Variants in SATB2 observed in about 807,000 individuals in gnomAD.
The protein encoded by SATB2 is DNA-binding protein SATB2.
A neutral mutation model predicts 73.4 loss-of-function variants in SATB2; 1 was observed. The ratio of observed to expected loss-of-function variants is 0.01; its 90% CI spans 0.00 to 0.06. The LOEUF (loss-of-function observed/expected upper bound fraction) is 0.06. Ranked by LOEUF, SATB2 falls within the 10% of genes least tolerant of loss-of-function variation. The probability of loss-of-function intolerance (pLI) is 1.00; values close to 1 mark genes in which losing one functional copy is unlikely to be tolerated. For missense variants in SATB2, 459 were observed against 945.8 expected (o/e 0.49, Z 6.75); for synonymous variants, 397 against 367.0 (o/e 1.08, Z -0.93).
At chr2:199,333,788 A>T (rs1230203074) in intron 7 of SATB2, among the ~76,000 whole-genome samples, 2 of 152,126 alleles carry the variant, frequency 1.3e-5, no homozygotes, top group Admixed American at 1.3e-4. Context: ...TATGCAAAAC[A>T]TCTTCCTTCC....
chr2:199,422,520 G>A (rs1055906989), intron 3 of SATB2, among the ~76,000 whole-genome samples: 1 of 152,074 alleles, frequency 6.6e-6, no homozygotes, highest in African/African-American at 2.4e-5. Flanking sequence ...TCTTCATTAA[G>A]TTATCAATTT....
At chr2:199,356,411 C>A (rs1029231759) in intron 6 of SATB2, among the ~76,000 whole-genome samples, 1 of 151,992 alleles carries the variant, frequency 6.6e-6, no homozygotes, top group South Asian at 2.1e-4. Context: ...GGTACCCAAA[C>A]ATTAGAGCAC....
upstream of SATB2, among the ~76,000 whole-genome samples, chr2:199,468,504 G>A (rs1692635876): frequency 6.6e-6 from 1 of 152,178 alleles, no homozygotes; most frequent in South Asian, 2.1e-4. Flanking sequence ...TCCACCTGTG[G>A]GGAATCTTGC....
intron 5 of SATB2, among the ~76,000 whole-genome samples, chr2:199,376,684 T>C (rs1689615031): frequency 6.6e-6 from 1 of 152,186 alleles, no homozygotes; most frequent in African/African-American, 2.4e-5. Context: ...CCTCTGTTAT[T>C]GTGGACAGTC....
At chr2:199,356,225 C>CAAAA (rs200509001) in intron 6 of SATB2, among the ~76,000 whole-genome samples, 658 of 99,878 alleles carry the variant, frequency 6.6e-3, no homozygotes, top group East Asian at 0.016. Context: ...GAACATAAGC[C>CAAAA]AAAAAAAAAA....
Position 199,296,255 on chromosome 2 carries a change from TTTG to T in SATB2, c.1740+12502_1740+12504del, listed in dbSNP as rs1164046572. 1.3e-4 allele frequency among the ~76,000 whole-genome samples: 20 copies of T among 152,306 alleles called. No individual in the cohort carries two copies. The South Asian group carries it at 3.7e-3, about 28-fold the overall frequency. On this transcript the variant is annotated intron_variant, in intron 10 of 10. Transcript: ENST00000417098. The stretch of plus-strand genomic sequence containing the variant: ...CAGGAGCAATGTGTTTTTGTTTTGT[TTTG>T]TTGTTGTTGTTTATATTTTGCACCC...
intron 10 of SATB2, among the ~76,000 whole-genome samples, chr2:199,301,741 G>A (rs548630057): frequency 6.6e-6 from 1 of 152,258 alleles, no homozygotes; most frequent in East Asian, 1.9e-4. Context: ...AGGTGTGGAG[G>A]AGGCAGAATT....
chr2:199,276,134 G>A lies in SATB2; in HGVS notation c.1741-3462C>T, dbSNP rs150793980. ...GTAGTACTTTATTCTAGTGGTATACGTACTCTGAGTGAAAGGAGAGCAGTA... is the reference window on the plus strand; with the variant it reads ...GTAGTACTTTATTCTAGTGGTATACATACTCTGAGTGAAAGGAGAGCAGTA... On this transcript the variant is annotated intron_variant, in intron 10 of 10. Coordinates refer to ENST00000417098, the MANE Select transcript of SATB2 (RefSeq NM_001172509.2). Among the ~76,000 whole-genome samples, 533 of 152,176 alleles carry A rather than the reference G, an allele frequency of 3.5e-3. 3 individuals are homozygous for A. The highest frequency in any genetic ancestry group is 0.012 in the African/African-American group (507 of 41,516).
intron 2 of SATB2, among the ~76,000 whole-genome samples, chr2:199,438,119 AATT>A (rs1477564379): frequency 6.6e-6 from 1 of 152,192 alleles, no homozygotes; most frequent in Non-Finnish European, 1.5e-5. Context: ...AATAAAATAA[AATT>A]ATTTTTTAAA....
At chr2:199,457,955 A>G, upstream of SATB2, 1 of 152,922 alleles carries the variant, frequency 6.5e-6, no homozygotes, top group Non-Finnish European at 1.5e-5. This position sits in a 1 kb window ranked among gnomAD's most constrained non-coding sequence, Gnocchi z 4.8. Flanking sequence ...CAAGCCGCAG[A>G]GAGAGACACA....
intron 3 of SATB2, among the ~76,000 whole-genome samples, chr2:199,391,662 T>C (rs1483989972): frequency 1.3e-5 from 2 of 152,122 alleles, no homozygotes; most frequent in African/African-American, 4.8e-5. Context: ...TCCGCTACCA[T>C]TTTAATGGCC....
chr2:199,341,476 A>G (rs781452981), intron 7 of SATB2, among the ~76,000 whole-genome samples: 1 of 152,186 alleles, frequency 6.6e-6, no homozygotes, highest in Non-Finnish European at 1.5e-5. Flanking sequence ...CAAGTTTGGT[A>G]AATCTCATAA....
intron 2 of SATB2, among the ~76,000 whole-genome samples, chr2:199,433,869 CTT>C (rs943565600): frequency 6.6e-6 from 1 of 151,964 alleles, no homozygotes; most frequent in Non-Finnish European, 1.5e-5. Context: ...CAGATCTGCT[CTT>C]GTCTAAAAAT....
intron 6 of SATB2, among the ~76,000 whole-genome samples, chr2:199,367,427 A>G (rs762802135): frequency 3.3e-5 from 5 of 152,126 alleles, no homozygotes; most frequent in Non-Finnish European, 4.4e-5. Flanking sequence ...AAACACTCTC[A>G]TTCCTTTGTG....
chr2:199,454,709 G>A (rs1268034377), intron 2 of SATB2, among the ~76,000 whole-genome samples: 2 of 151,976 alleles, frequency 1.3e-5, no homozygotes, highest in African/African-American at 2.4e-5. Context: ...TGAAGAAATA[G>A]AAATAGCAAA....
intron 6 of SATB2, among the ~76,000 whole-genome samples, chr2:199,358,638 G>C (rs1689054245): frequency 6.6e-6 from 1 of 152,166 alleles, no homozygotes; most frequent in Admixed American, 6.5e-5. Flanking sequence ...CAGCCCATAA[G>C]CAAAGCCTAC....
chr2:199,352,583 GTAGTAACACCA>G (rs1230121250), intron 6 of SATB2, among the ~76,000 whole-genome samples: 1 of 152,084 alleles, frequency 6.6e-6, no homozygotes, highest in Non-Finnish European at 1.5e-5. Context: ...TATTACATCC[GTAGTAACACCA>G]TGAAGTACTA....
intron 7 of SATB2, among the ~76,000 whole-genome samples, chr2:199,340,448 C>T (rs974913895): frequency 6.6e-6 from 1 of 152,096 alleles, no homozygotes; most frequent in Admixed American, 6.6e-5. Context: ...AAATTAGAGA[C>T]TTACTGTTAC....
At chr2:199,369,710 A>C (rs1345479194) in intron 5 of SATB2, among the ~76,000 whole-genome samples, 4 of 152,176 alleles carry the variant, frequency 2.6e-5, no homozygotes, top group Admixed American at 2.0e-4. Context: ...GAAATCTTAG[A>C]ACTTCTAACG....
Sources: gnomAD v4.1 joint callset for allele counts (sites outside exome capture counted in the v4.1 genomes callset) on GRCh38, gnomAD v4.1.1 for gene constraint, Gnocchi (gnomAD v3.1) non-coding constraint, MANE v1.5 for transcripts, NCBI Gene and HGNC (gene_info 2026-07-23, HGNC 2026-07-21) for gene names.